Variants in RAB30 observed in about 807,000 individuals in gnomAD.
RAB30 encodes the protein ras-related protein Rab-30.
Under a neutral mutation model 25.1 loss-of-function variants are expected in RAB30, and 9 were observed. The ratio of observed to expected loss-of-function variants is 0.36; its 90% CI spans 0.22 to 0.63. RAB30 has a LOEUF of 0.63. Ranked by LOEUF, RAB30 falls within the 20% of genes least tolerant of loss-of-function variation. The pLI is 0.69. For missense variants in RAB30, 140 were observed against 243.5 expected (o/e 0.58, Z 2.83); for synonymous variants, 77 against 86.4 (o/e 0.89, Z 0.60).
At position 82,997,273 on chromosome 11, in the gene RAB30, A is replaced by G; in HGVS notation, c.44T>C (p.Ile15Thr). 2 of 1,612,908 alleles carry G rather than the reference A, an allele frequency of 1.2e-6. No individual in the cohort carries two copies. The highest frequency in any genetic ancestry group is 1.7e-6 in the Non-Finnish European group (2 of 1,178,884). ...CGTCTTCCCCACACCAGCGTTGCCA[A>G]TTAAAACAATTTTGAACAGGAAATC... ...DYDFLFKIVL[I>T]GNAGVGKTCL... Residue 15 changes from isoleucine to threonine, a missense_variant, in exon 2 of 5, where the codon ATT (isoleucine) becomes ACT (threonine). Transcript: ENST00000527633.
chr11:83,047,196 TGA>T (rs1268679604), intron 1 of RAB30, among the ~76,000 whole-genome samples: 3 of 135,660 alleles, frequency 2.2e-5, no homozygotes, highest in Non-Finnish European at 4.7e-5. Flanking sequence ...GACGCCACAA[TGA>T]GAGGAACAAT....
At chr11:82,992,376 C>CTGCAGTA (rs957209879) in intron 3 of RAB30, 9 of 456,108 alleles carry the variant, frequency 2.0e-5, no homozygotes, top group African/African-American at 1.8e-4. Flanking sequence ...GTGGATGTCT[C>CTGCAGTA]TGCAGTATGA....
chr11:82,990,822 A>G (rs1021649969), intron 3 of RAB30, among the ~76,000 whole-genome samples: 1 of 152,156 alleles, frequency 6.6e-6, no homozygotes, highest in Non-Finnish European at 1.5e-5. Context: ...ACTTTTAAGC[A>G]TACAGTTCAG....
chr11:83,060,015 A>T (rs1025196702), intron 1 of RAB30: 1 of 152,240 alleles, frequency 6.6e-6, no homozygotes, highest in African/African-American at 2.4e-5. Context: ...ATTCGAGACC[A>T]GCCTGACCAA....
At chr11:83,030,471 C>T (rs1857829987) in intron 1 of RAB30, among the ~76,000 whole-genome samples, 1 of 151,936 alleles carries the variant, frequency 6.6e-6, no homozygotes, top group Non-Finnish European at 1.5e-5. Context: ...GTACTCCAGC[C>T]TGAGAAACAA....
intron 1 of RAB30, among the ~76,000 whole-genome samples, chr11:83,047,992 G>A (rs1444335986): frequency 2.6e-5 from 4 of 152,148 alleles, no homozygotes; most frequent in Non-Finnish European, 4.4e-5. Context: ...GCTCATACCT[G>A]TAATCCCAAC....
intron 4 of RAB30, 39 bp from the exon 5 acceptor site, chr11:82,982,454 G>T: frequency 1.3e-6 from 2 of 1,596,818 alleles, no homozygotes; most frequent in South Asian, 2.2e-5. Context: ...ATCAGCATTT[G>T]ACTTTTTGCA....
intron 1 of RAB30, among the ~76,000 whole-genome samples, chr11:83,049,221 C>T (rs914917617): frequency 6.6e-6 from 1 of 151,984 alleles, no homozygotes; most frequent in Non-Finnish European, 1.5e-5. Flanking sequence ...ACCATCCTGG[C>T]CAACATGGTG....
At chr11:82,985,761 G>A (rs932769248) in intron 4 of RAB30, among the ~76,000 whole-genome samples, 1 of 146,480 alleles carries the variant, frequency 6.8e-6, no homozygotes, top group Non-Finnish European at 1.5e-5. Context: ...CACCCAGGCT[G>A]AATGCAGTGG....
intron 1 of RAB30, among the ~76,000 whole-genome samples, chr11:83,062,051 G>A (rs970012609): frequency 6.6e-6 from 1 of 152,066 alleles, no homozygotes; most frequent in Non-Finnish European, 1.5e-5. Flanking sequence ...GCCACCAGAC[G>A]GTCCTGGCTT....
chr11:83,070,356 C>T (rs1214479886), intron 1 of RAB30, among the ~76,000 whole-genome samples: 1 of 152,238 alleles, frequency 6.6e-6, no homozygotes, highest in Non-Finnish European at 1.5e-5. Flanking sequence ...AAATATCACA[C>T]AGCTACAACT....
chr11:83,008,559 C>A (rs1171283582), intron 1 of RAB30, among the ~76,000 whole-genome samples: 1 of 152,208 alleles, frequency 6.6e-6, no homozygotes, highest in Non-Finnish European at 1.5e-5. Flanking sequence ...GTTTTTACAT[C>A]TATAGAGCAC....
intron 1 of RAB30, among the ~76,000 whole-genome samples, chr11:83,055,388 T>C (rs966307288): frequency 9.9e-5 from 15 of 152,232 alleles, no homozygotes; most frequent in African/African-American, 3.6e-4. Context: ...TGGAGATCTG[T>C]TCCTTGCAAG....
chr11:83,060,775 G>C (rs1298994448), intron 1 of RAB30, among the ~76,000 whole-genome samples: 2 of 152,146 alleles, frequency 1.3e-5, no homozygotes, highest in Non-Finnish European at 2.9e-5. Context: ...CATTATTTGG[G>C]GGTGTGTCTG....
chr11:83,032,688 C>A (rs970728695), intron 1 of RAB30, among the ~76,000 whole-genome samples: 4 of 152,106 alleles, frequency 2.6e-5, no homozygotes, highest in Admixed American at 2.0e-4. Context: ...CTTTCATATG[C>A]ATTGTATGTT....
At chr11:83,047,810 G>C (rs554036642) in intron 1 of RAB30, among the ~76,000 whole-genome samples, 1 of 152,118 alleles carries the variant, frequency 6.6e-6, no homozygotes, top group East Asian at 1.9e-4. Context: ...TTCTGAAAAG[G>C]GCTGAGAGTG....
chr11:83,056,739 G>A (rs956599634), intron 1 of RAB30, among the ~76,000 whole-genome samples: 1 of 152,042 alleles, frequency 6.6e-6, no homozygotes, highest in African/African-American at 2.4e-5. Context: ...ACGATCTTAG[G>A]CATGCTACTT....
chr11:83,037,286 G>C (rs747072269), intron 1 of RAB30, among the ~76,000 whole-genome samples: 2 of 151,916 alleles, frequency 1.3e-5, no homozygotes, highest in Non-Finnish European at 2.9e-5. Flanking sequence ...GTCTTATTCT[G>C]TCACCCAGGC....
chr11:83,046,190 T>G (rs1027077780), intron 1 of RAB30, among the ~76,000 whole-genome samples: 1 of 152,216 alleles, frequency 6.6e-6, no homozygotes, highest in Non-Finnish European at 1.5e-5. Context: ...TGTGCATCCT[T>G]AATCCCAAAC....
Sources: gnomAD v4.1 joint callset for allele counts (sites outside exome capture counted in the v4.1 genomes callset) on GRCh38, gnomAD v4.1.1 for gene constraint, MANE v1.5 for transcripts, NCBI Gene and HGNC (gene_info 2026-07-23, HGNC 2026-07-21) for gene names.